The following FSTL5 variants were observed in gnomAD, a reference collection of about 807,000 sequenced individuals.
FSTL5 encodes the protein follistatin-related protein 5.
Under a neutral mutation model 89.1 loss-of-function variants are expected in FSTL5, and 62 were observed. The observed-to-expected ratio is 0.70, with a 90% CI of 0.57 to 0.86. The LOEUF is 0.86. Ranked by LOEUF, FSTL5 falls within the 40% of genes least tolerant of loss-of-function variation. The pLI, the probability that FSTL5 is intolerant of heterozygous loss-of-function variation, is 0.00. For missense variants in FSTL5, 1,057 were observed against 1,001.6 expected, an observed-to-expected ratio of 1.06 and a Z score of -0.75; for synonymous variants, 383 against 346.2, an observed-to-expected ratio of 1.11 and a Z score of -1.18.
chr4:161,841,120 G>C (rs1731199009), intron 4 of FSTL5, among the ~76,000 whole-genome samples: 1 of 151,994 alleles, frequency 6.6e-6, no homozygotes, highest in Non-Finnish European at 1.5e-5. Flanking sequence ...ATTGAGAATG[G>C]GACCTTACTG....
chr4:162,050,288 A>T (rs1738336944), intron 2 of FSTL5, among the ~76,000 whole-genome samples: 1 of 151,460 alleles, frequency 6.6e-6, no homozygotes. Flanking sequence ...AATAATACTC[A>T]TACAGGAAAA....
intron 3 of FSTL5, among the ~76,000 whole-genome samples, chr4:161,932,730 T>C (rs1273581059): frequency 6.6e-6 from 1 of 151,980 alleles, no homozygotes; most frequent in Non-Finnish European, 1.5e-5. Context: ...TTGTTCCATA[T>C]TTATGTCTTT....
At position 161,810,937 on chromosome 4, in the gene FSTL5, G is replaced by A. The variant is rs148403672; in HGVS notation, c.410-34863C>T. On this transcript the variant is annotated intron_variant, in intron 4 of 15. Transcript: ENST00000306100. Reference sequence around the variant, plus strand: ...ATAAGATCTATTGTTTTTAAAGCAAGGAGCACTCACAAAGTAACTATGCGT... The same window carrying A: ...ATAAGATCTATTGTTTTTAAAGCAAAGAGCACTCACAAAGTAACTATGCGT... Among the ~76,000 whole-genome samples, 473 of 152,218 alleles carry A rather than the reference G, an allele frequency of 3.1e-3. 8 individuals are homozygous for A. The highest frequency in any genetic ancestry group is 0.027 in the Admixed American group (410 of 15,290).
intron 6 of FSTL5, among the ~76,000 whole-genome samples, chr4:161,705,932 A>ATGTG (rs1411662644): frequency 9.2e-6 from 1 of 108,768 alleles, no homozygotes; most frequent in African/African-American, 3.3e-5. Flanking sequence ...ATACATATGC[A>ATGTG]TGTGTGTGTG....
chr4:161,726,217 TTTTC>T (rs1739401042), intron 6 of FSTL5, among the ~76,000 whole-genome samples: 1 of 79,074 alleles, frequency 1.3e-5, no homozygotes, highest in Non-Finnish European at 2.8e-5. Context: ...TTTTTTTCTT[TTTTC>T]TTTTTCTTTT....
intron 6 of FSTL5, among the ~76,000 whole-genome samples, chr4:161,681,304 C>T (rs532271042): frequency 2.0e-5 from 3 of 152,130 alleles, no homozygotes; most frequent in African/African-American, 7.2e-5. Context: ...AACTACATCA[C>T]TGAAAAACTG....
At chr4:161,476,858 C>G (rs747268406) in intron 13 of FSTL5, among the ~76,000 whole-genome samples, 6 of 152,166 alleles carry the variant, frequency 3.9e-5, no homozygotes, top group Non-Finnish European at 7.4e-5. Flanking sequence ...AAGTGTCAAT[C>G]AACAATCAAA....
chr4:161,940,159 T>C (rs1338304569), intron 3 of FSTL5, among the ~76,000 whole-genome samples: 1 of 151,838 alleles, frequency 6.6e-6, no homozygotes, highest in Non-Finnish European at 1.5e-5. Flanking sequence ...AGAATTATTT[T>C]CAGGATTTTA....
chr4:161,728,694 T>C (rs904170029), intron 6 of FSTL5, among the ~76,000 whole-genome samples: 1 of 152,158 alleles, frequency 6.6e-6, no homozygotes, highest in African/African-American at 2.4e-5. Flanking sequence ...GAAAACTGTA[T>C]AATAAAATTA....
At chr4:161,585,916 C>T (rs1207595536) in intron 8 of FSTL5, among the ~76,000 whole-genome samples, 3 of 152,180 alleles carry the variant, frequency 2.0e-5, no homozygotes, top group East Asian at 3.8e-4. Context: ...TTGCATCTCG[C>T]CTGCTTTCTT....
At chr4:161,585,552 C>T (rs912060701) in intron 8 of FSTL5, among the ~76,000 whole-genome samples, 1 of 122,184 alleles carries the variant, frequency 8.2e-6, no homozygotes, top group Non-Finnish European at 1.6e-5. Context: ...AATTGCTAGC[C>T]AAAAATGAAA....
At chr4:161,523,187 G>T (rs1379810334) in intron 10 of FSTL5, among the ~76,000 whole-genome samples, 3 of 152,088 alleles carry the variant, frequency 2.0e-5, no homozygotes, top group African/African-American at 7.2e-5. Context: ...ATCAAATAGG[G>T]TATAGTTAGA....
intron 3 of FSTL5, among the ~76,000 whole-genome samples, chr4:161,931,861 A>C (rs890896362): frequency 2.0e-5 from 3 of 151,958 alleles, no homozygotes; most frequent in Admixed American, 6.6e-5. Context: ...GGTCATTTTT[A>C]GTATAAAGAA....
chr4:161,822,121 T>C (rs549398681), intron 4 of FSTL5, among the ~76,000 whole-genome samples: 3 of 152,124 alleles, frequency 2.0e-5, no homozygotes, highest in East Asian at 3.9e-4. Flanking sequence ...ATTATGGCCA[T>C]TCTTGCAGGA....
At chr4:161,865,362 T>G (rs1189103985) in intron 4 of FSTL5, among the ~76,000 whole-genome samples, 1 of 152,206 alleles carries the variant, frequency 6.6e-6, no homozygotes, top group African/African-American at 2.4e-5. Flanking sequence ...CATTATTCAA[T>G]TTATAAGTCA....
Position 161,504,540 on chromosome 4 carries a change from G to T in FSTL5, c.1340-4406C>A, listed in dbSNP as rs145266958. On this transcript the variant is annotated intron_variant, in intron 11 of 15. Transcript: ENST00000306100. ...GCAAAAGCGCTTAGTCTTTTTTTTGGGTTGATTGTTAATCTAACAGAGTAT... is the reference window on the plus strand; with the variant it reads ...GCAAAAGCGCTTAGTCTTTTTTTTGTGTTGATTGTTAATCTAACAGAGTAT... 2.9e-3 allele frequency among the ~76,000 whole-genome samples: 443 copies of T among 150,744 alleles called. 10 individuals are homozygous for T. Among genetic ancestry groups the T allele is most frequent in the Admixed American group, 0.021 (320 of 15,140 alleles).
At chr4:161,730,939 C>T (rs1289341369) in intron 6 of FSTL5, among the ~76,000 whole-genome samples, 4 of 152,134 alleles carry the variant, frequency 2.6e-5, no homozygotes, top group Non-Finnish European at 5.9e-5. Context: ...CCACAACAAA[C>T]AAAAACAGAT....
intron 2 of FSTL5, among the ~76,000 whole-genome samples, chr4:162,047,113 A>G (rs1483173250): frequency 6.6e-6 from 1 of 152,148 alleles, no homozygotes; most frequent in Admixed American, 6.5e-5. Flanking sequence ...CTAACACAAG[A>G]CACTCTGGGC....
intron 2 of FSTL5, among the ~76,000 whole-genome samples, chr4:162,078,105 T>G (rs1209918313): frequency 4.6e-5 from 7 of 151,922 alleles, no homozygotes; most frequent in Admixed American, 1.3e-4. Flanking sequence ...TAGGGCAGGT[T>G]GATTACATGG....
Sources: allele counts gnomAD v4.1 joint callset (sites outside exome capture counted in the v4.1 genomes callset), GRCh38; gene constraint gnomAD v4.1.1; transcripts MANE v1.5; gene names NCBI Gene and HGNC (gene_info 2026-07-23, HGNC 2026-07-21).